POLR2F: variants seen among roughly 807,000 people sequenced by gnomAD.
The protein encoded by POLR2F is RNA polymerase II, I and III subunit F, also known as DNA-directed RNA polymerases I, II, and III subunit RPABC2.
POLR2F carries 12 observed loss-of-function variants against 22.7 expected under a neutral mutation model. That is an observed-to-expected ratio of 0.53 (90% CI 0.34 to 0.86). POLR2F has a LOEUF of 0.86. POLR2F is among the 40% of genes least tolerant of loss of function. POLR2F has a pLI of 0.02. For synonymous variants in POLR2F, 57 were observed against 66.0 expected, an observed-to-expected ratio of 0.86 and a Z score of 0.66; for missense variants, 126 against 171.5, an observed-to-expected ratio of 0.73 and a Z score of 1.48.
chr22:37,973,948 G>T (rs754568838), downstream of POLR2F: 1 of 1,610,938 alleles, frequency 6.2e-7, no homozygotes. Flanking sequence ...GCCCATAGCC[G>T]GCTGCTGAGT....
At chr22:38,005,897 T>TA (rs1477787979) in intron 1 of POLR2F, among the ~76,000 whole-genome samples, 1 of 152,230 alleles carries the variant, frequency 6.6e-6, no homozygotes, top group Non-Finnish European at 1.5e-5. Context: ...TATTGTATGT[T>TA]ACAGAAGTAT....
intron 4 of POLR2F, chr22:37,977,861 A>C (rs755503389): frequency 6.2e-7 from 1 of 1,606,476 alleles, no homozygotes; most frequent in South Asian, 1.1e-5. Flanking sequence ...TGTCATCAGC[A>C]CTCACCTGAG....
intron 1 of POLR2F, among the ~76,000 whole-genome samples, chr22:38,006,764 T>C (rs1388436954): frequency 1.3e-5 from 2 of 152,186 alleles, no homozygotes; most frequent in Non-Finnish European, 2.9e-5. Context: ...GCCCCAGCTC[T>C]GTCACCTCTG....
At chr22:38,022,966 GTGCCA>G (rs2084973976) in intron 1 of POLR2F, among the ~76,000 whole-genome samples, 1 of 152,184 alleles carries the variant, frequency 6.6e-6, no homozygotes, top group South Asian at 2.1e-4. Context: ...AGCCAAGATC[GTGCCA>G]TTGCACTCCA....
At chr22:38,037,609 T>G (rs1335403102) in intron 5 of POLR2F, among the ~76,000 whole-genome samples, 1 of 151,460 alleles carries the variant, frequency 6.6e-6, no homozygotes, top group African/African-American at 2.4e-5. Context: ...TTTTTTTTTT[T>G]TGAGACGGAG....
chr22:37,988,515 G>A (rs1932650013), intron 1 of POLR2F, among the ~76,000 whole-genome samples: 3 of 151,804 alleles, frequency 2.0e-5, no homozygotes, highest in Admixed American at 2.0e-4. Flanking sequence ...ACTGGGCATG[G>A]TGGCACGCAC....
intron 1 of POLR2F, chr22:37,988,659 AAAC>A (rs1011599668): frequency 1.2e-4 from 19 of 154,396 alleles, no homozygotes; most frequent in Middle Eastern, 1.1e-3. Context: ...TCATAAAAAC[AAAC>A]AACAACAACA....
chr22:38,040,722 G>A (rs745359977), intron 5 of POLR2F: 1 of 393,736 alleles, frequency 2.5e-6, no homozygotes, highest in Non-Finnish European at 4.7e-6. Flanking sequence ...GTTAACTCCT[G>A]TGGGGGTCCT....
downstream of POLR2F, chr22:37,973,346 T>C: frequency 1.6e-6 from 1 of 611,232 alleles, no homozygotes; most frequent in Non-Finnish European, 2.9e-6. Flanking sequence ...ATCAGGGCAG[T>C]GAGCCAGACA....
upstream of POLR2F, chr22:37,983,539 G>C (rs773568764): frequency 4.3e-5 from 69 of 1,610,554 alleles, no homozygotes; most frequent in Admixed American, 3.9e-4. This position sits in a 1 kb window ranked among gnomAD's most constrained non-coding sequence, Gnocchi z 9.5. Context: ...TCCAGTCGTA[G>C]CCGCTGAGCA....
chr22:37,978,536 T>C lies in POLR2F; in HGVS notation c.293+11366T>C, dbSNP rs556377034. On this transcript the variant is annotated intron_variant, in intron 4 of 4. Transcript: ENST00000405557. The surrounding 1 kb of genome is among the most constrained non-coding windows in gnomAD (Gnocchi z 5.0). ...GCTACTTCAGTGGGGGTGAGCTCCCTGGGACTGAGGGTGGGCAATAGAAGC... is the reference window on the plus strand; with the variant it reads ...GCTACTTCAGTGGGGGTGAGCTCCCCGGGACTGAGGGTGGGCAATAGAAGC... Among the ~76,000 whole-genome samples the C allele has an allele frequency of 2.0e-5, 3 of 152,326 alleles. No individual in the cohort carries two copies. The highest frequency in any genetic ancestry group is 7.2e-5 in the African/African-American group (3 of 41,582).
chr22:38,000,712 A>G (rs1169115296), intron 1 of POLR2F, among the ~76,000 whole-genome samples: 2 of 152,136 alleles, frequency 1.3e-5, no homozygotes, highest in African/African-American at 4.8e-5. Context: ...TTGGAGGTGT[A>G]AGGTGTTTGA....
downstream of POLR2F, chr22:38,041,398 G>GGATC: frequency 2.5e-6 from 1 of 402,564 alleles, no homozygotes; most frequent in Non-Finnish European, 4.5e-6. Flanking sequence ...GTCTAGGAGA[G>GGATC]GATCCAGGCG....
chr22:38,031,548 C>T (rs556326502), downstream of POLR2F, among the ~76,000 whole-genome samples: 35 of 152,264 alleles, frequency 2.3e-4, no homozygotes, highest in South Asian at 7.1e-3. This position sits in a 1 kb window ranked among gnomAD's most constrained non-coding sequence, Gnocchi z 4.1. Flanking sequence ...TGGGCAGGCA[C>T]GGACTTCACA....
At chr22:38,027,775 C>CCCCAGCA (rs562092586), downstream of POLR2F, among the ~76,000 whole-genome samples, 65 of 152,340 alleles carry the variant, frequency 4.3e-4, no homozygotes, top group East Asian at 3.7e-3. Flanking sequence ...TCGGTGTCTT[C>CCCCAGCA]CCCAGCACCC....
intron 5 of POLR2F, among the ~76,000 whole-genome samples, chr22:38,034,977 C>A (rs917360375): frequency 6.6e-6 from 1 of 152,012 alleles, no homozygotes; most frequent in Non-Finnish European, 1.5e-5. Flanking sequence ...CATCCCTCCC[C>A]ACTCCCCAAG....
At chr22:38,022,828 C>G (rs370504213) in intron 1 of POLR2F, among the ~76,000 whole-genome samples, 1 of 151,986 alleles carries the variant, frequency 6.6e-6, no homozygotes, top group East Asian at 1.9e-4. Context: ...GCCTGGCCAA[C>G]ATAGCGAAAC....
rs188641995 is a variant in POLR2F at position 38,019,529 on chromosome 22, C to A, written c.121-6340C>A. On this transcript the variant is annotated intron_variant, in intron 1 of 2. Transcript: ENST00000333418. ...ATCACACCTACCCTCCCTGATCCCC[C>A]AAGCACGCCCTGAAAATGGCCCGGT... is the stretch of plus-strand genomic sequence containing the variant. 2.6e-5 allele frequency among the ~76,000 whole-genome samples: 4 copies of A among 152,306 alleles called. No homozygotes were observed. The East Asian group carries it at 7.7e-4, about 29-fold the overall frequency.
At chr22:37,983,597 G>A, upstream of POLR2F, 5 of 1,608,494 alleles carry the variant, frequency 3.1e-6, no homozygotes, top group Middle Eastern at 1.7e-4. This position sits in a 1 kb window ranked among gnomAD's most constrained non-coding sequence, Gnocchi z 9.5. Flanking sequence ...GTCATCGTCC[G>A]CCTCGCCGTC....
Sources: allele counts gnomAD v4.1 joint callset (sites outside exome capture counted in the v4.1 genomes callset), GRCh38; gene constraint gnomAD v4.1.1; non-coding constraint Gnocchi (gnomAD v3.1); transcripts MANE v1.5; gene names NCBI Gene and HGNC (gene_info 2026-07-23, HGNC 2026-07-21).